Variants in SETD3 observed in about 807,000 individuals in gnomAD.
The protein encoded by SETD3 is actin-histidine N-methyltransferase.
SETD3 carries 19 observed loss-of-function variants against 63.0 expected under a neutral mutation model. That is an observed-to-expected ratio of 0.30 (90% CI 0.21 to 0.44). The LOEUF is 0.44. Ranked by LOEUF, SETD3 falls within the 20% of genes least tolerant of loss-of-function variation. The probability of loss-of-function intolerance (pLI) is 1.00; values close to 1 mark genes in which losing one functional copy is unlikely to be tolerated. For synonymous variants in SETD3, 286 were observed against 264.1 expected (o/e 1.08, Z -0.80); for missense variants, 587 against 728.5 (o/e 0.81, Z 2.24).
chr14:99,449,329 A>G (rs1425668669), intron 6 of SETD3, among the ~76,000 whole-genome samples: 3 of 152,244 alleles, frequency 2.0e-5, no homozygotes, highest in Non-Finnish European at 4.4e-5. Context: ...GGACATTTGC[A>G]TAGTCTCAAA....
rs545305305 is a variant in SETD3 at position 99,400,857 on chromosome 14, G to A, written c.1178-598C>T. 3.3e-5 allele frequency among the ~76,000 whole-genome samples: 5 copies of A among 152,248 alleles called. No homozygotes were observed. In the South Asian group the frequency reaches 1.0e-3, roughly 32 times the overall value. ...GAGCACTATCAAAATCTTAGTTAAT[G>A]GGCCGGGCGCAGTGGCTCACGCCTG... On this transcript the variant is annotated intron_variant, in intron 11 of 12. Transcript: ENST00000331768.
intron 6 of SETD3, among the ~76,000 whole-genome samples, chr14:99,414,414 A>G (rs1892176674): frequency 6.6e-6 from 1 of 152,314 alleles, no homozygotes; most frequent in South Asian, 2.1e-4. Flanking sequence ...AAGCTCTTTC[A>G]TTTCTCTCCG....
At chr14:99,464,590 G>A (rs1895263180) in intron 2 of SETD3, among the ~76,000 whole-genome samples, 1 of 152,174 alleles carries the variant, frequency 6.6e-6, no homozygotes, top group Non-Finnish European at 1.5e-5. Flanking sequence ...AGAGGGACCT[G>A]ACTCCAACTT....
At chr14:99,432,467 C>T (rs1367796706) in intron 6 of SETD3, among the ~76,000 whole-genome samples, 3 of 152,202 alleles carry the variant, frequency 2.0e-5, no homozygotes, top group East Asian at 1.9e-4. Context: ...TTTATATTCA[C>T]ACTTTAAGTA....
chr14:99,416,984 TTAATATC>T (rs1892323337), intron 6 of SETD3, among the ~76,000 whole-genome samples: 1 of 152,124 alleles, frequency 6.6e-6, no homozygotes, highest in Non-Finnish European at 1.5e-5. Flanking sequence ...TTGGGAAAGA[TTAATATC>T]TAAAATTGTT....
chr14:99,454,668 C>G (rs1486661597), intron 6 of SETD3, among the ~76,000 whole-genome samples: 6 of 152,216 alleles, frequency 3.9e-5, no homozygotes, highest in Admixed American at 3.9e-4. Flanking sequence ...TGGATCAACT[C>G]TGCTCGCTCA....
At chr14:99,473,166 C>T (rs1895793932) in intron 1 of SETD3, among the ~76,000 whole-genome samples, 1 of 152,170 alleles carries the variant, frequency 6.6e-6, no homozygotes, top group Non-Finnish European at 1.5e-5. Flanking sequence ...GACTAATATA[C>T]AGGGGCATCT....
Position 99,435,800 on chromosome 14 carries a change from G to A in SETD3, c.676-21866C>T, listed in dbSNP as rs116447211. Among the ~76,000 whole-genome samples the A allele has an allele frequency of 4.3e-3, 645 of 149,636 alleles. 5 individuals are homozygous for A. Among genetic ancestry groups the A allele is most frequent in the African/African-American group, 0.014 (587 of 40,610 alleles). On this transcript the variant is annotated intron_variant, in intron 6 of 12. Transcript: ENST00000331768. ...GAGGCTCAGATTGCTTGAGGGACTT[G>A]GCTATGGTCACAAAGTGAATAACTG...
chr14:99,409,990 A>G, intron 8 of SETD3: 1 of 444,156 alleles, frequency 2.3e-6, no homozygotes, highest in Non-Finnish European at 4.0e-6. Flanking sequence ...CGGGGGGGTG[A>G]ACCAACAATA....
At chr14:99,433,922 G>C (rs1893324175) in intron 6 of SETD3, among the ~76,000 whole-genome samples, 1 of 152,230 alleles carries the variant, frequency 6.6e-6, no homozygotes, top group Non-Finnish European at 1.5e-5. Context: ...TAATGAGGGA[G>C]TAGAGCAACT....
intron 6 of SETD3, among the ~76,000 whole-genome samples, chr14:99,443,255 A>AATTT (rs1566713829): frequency 9.2e-6 from 1 of 108,800 alleles, no homozygotes; most frequent in Non-Finnish European, 1.8e-5. Context: ...CTGAACTCCC[A>AATTT]TTTTTTTTTT....
chr14:99,406,836 CTATA>C (rs1891708097), intron 8 of SETD3, among the ~76,000 whole-genome samples: 1 of 152,172 alleles, frequency 6.6e-6, no homozygotes, highest in East Asian at 1.9e-4. Context: ...GATAAAGAGA[CTATA>C]TAGATTGTCA....
At chr14:99,480,252 A>C (rs2139834157) in intron 1 of SETD3, among the ~76,000 whole-genome samples, 1 of 152,008 alleles carries the variant, frequency 6.6e-6, no homozygotes, top group East Asian at 2.0e-4. Context: ...GACGGGAGGA[A>C]GGAAGGAAAT....
chr14:99,461,225 C>T lies in SETD3; in HGVS notation c.312G>A (p.Glu104=), dbSNP rs1484246050. ...CTCTTGTTGCTCTCAAACCAAAGCCCTCTTCTTTGAAGTTAACCATTTCAA... is the reference window on the plus strand; with the variant it reads ...CTCTTGTTGCTCTCAAACCAAAGCCTTCTTCTTTGAAGTTAACCATTTCAA... ...EGFEMVNFKE[E]GFGLRATRDI... is the part of the protein sequence containing the mutation. Residue 104 remains glutamate (E), a synonymous_variant, in exon 4 of 13, where the codon GAG becomes GAA. Transcript: ENST00000331768. 1 of 1,614,176 alleles carries T rather than the reference C, an allele frequency of 6.2e-7. No individual in the cohort carries two copies. The highest frequency in any genetic ancestry group is 1.3e-5 in the African/African-American group (1 of 75,042).
intron 8 of SETD3, among the ~76,000 whole-genome samples, chr14:99,407,008 T>C (rs1021655274): frequency 1.3e-5 from 2 of 152,216 alleles, no homozygotes; most frequent in East Asian, 3.9e-4. Context: ...ATTATCTTTA[T>C]CTAATGTTTG....
intron 6 of SETD3, among the ~76,000 whole-genome samples, chr14:99,416,543 G>T (rs997566703): frequency 2.6e-5 from 4 of 152,190 alleles, no homozygotes; most frequent in African/African-American, 9.7e-5. Flanking sequence ...CAAACCAATT[G>T]TAACTGTAGA....
intron 6 of SETD3, among the ~76,000 whole-genome samples, chr14:99,451,982 G>A (rs1175764675): frequency 6.6e-6 from 1 of 152,214 alleles, no homozygotes; most frequent in East Asian, 1.9e-4. Context: ...GCATTCAGGT[G>A]TTCATACAGG....
chr14:99,403,455 ACTCTCTCT>A (rs55804663), intron 11 of SETD3, among the ~76,000 whole-genome samples: 49,243 of 135,396 alleles, frequency 0.36, 8,781 homozygotes, highest in East Asian at 0.54. Flanking sequence ...ACACACACAC[ACTCTCTCT>A]CTCTCTCTCT....
chr14:99,478,202 T>A (rs906750272), intron 1 of SETD3, among the ~76,000 whole-genome samples: 6 of 152,062 alleles, frequency 3.9e-5, no homozygotes, highest in Admixed American at 1.3e-4. Context: ...CAAAGTAACA[T>A]AAGAATAAAG....
Sources: allele counts gnomAD v4.1 joint callset (sites outside exome capture counted in the v4.1 genomes callset), GRCh38; gene constraint gnomAD v4.1.1; transcripts MANE v1.5; gene names NCBI Gene and HGNC (gene_info 2026-07-23, HGNC 2026-07-21).